Variants in ZFAND3 observed in about 807,000 individuals in gnomAD.
The protein encoded by ZFAND3 is zinc finger AN1-type containing 3.
Under a neutral mutation model 29.6 loss-of-function variants are expected in ZFAND3, and 10 were observed. That is an observed-to-expected ratio of 0.34 (90% CI 0.21 to 0.57). The LOEUF is 0.57. Among genes scored for constraint, ZFAND3 ranks in the 20% least tolerant of loss-of-function variants. ZFAND3 has a pLI of 0.86. For missense variants in ZFAND3, 230 were observed against 304.5 expected, an observed-to-expected ratio of 0.76 and a Z score of 1.82; for synonymous variants, 128 against 112.6, an observed-to-expected ratio of 1.14 and a Z score of -0.87.
In ZFAND3 at chr6:37,898,570, A is replaced by G. The variant is rs73419459; in HGVS notation, c.72-31389A>G. On this transcript the variant is annotated intron_variant, in intron 1 of 5. Coordinates refer to ENST00000287218, the MANE Select transcript of ZFAND3 (RefSeq NM_021943.3). The stretch of plus-strand genomic sequence containing the variant: ...ATGCTGTGGTTTTGATTGAAATTCT[A>G]TTGAATCTAAGCATAGTATATATAT... 1.7e-3 allele frequency among the ~76,000 whole-genome samples: 258 copies of G among 152,302 alleles called. 1 individual carries two copies. The highest frequency in any genetic ancestry group is 4.8e-3 in the African/African-American group (198 of 41,568).
chr6:37,874,772 C>T (rs1376906978), intron 1 of ZFAND3, among the ~76,000 whole-genome samples: 5 of 152,106 alleles, frequency 3.3e-5, no homozygotes, highest in Non-Finnish European at 5.9e-5. Flanking sequence ...ATGAAGGTCT[C>T]GTTTTGTTGC....
chr6:37,834,070 T>C (rs1763917522), intron 1 of ZFAND3, among the ~76,000 whole-genome samples: 1 of 152,160 alleles, frequency 6.6e-6, no homozygotes, highest in African/African-American at 2.4e-5. Context: ...TGGTGGTATA[T>C]TCAGTGGATT....
intron 3 of ZFAND3, among the ~76,000 whole-genome samples, chr6:38,073,035 T>C (rs1055952092): frequency 2.1e-4 from 32 of 152,296 alleles, no homozygotes; most frequent in African/African-American, 7.7e-4. Flanking sequence ...AGCAAGACAG[T>C]TGGACTAAGG....
At chr6:37,925,541 A>G (rs1247183880) in intron 1 of ZFAND3, among the ~76,000 whole-genome samples, 1 of 152,012 alleles carries the variant, frequency 6.6e-6, no homozygotes, top group Non-Finnish European at 1.5e-5. Flanking sequence ...TGTCTCTACT[A>G]AAAAATAGAA....
At chr6:38,085,457 C>G (rs1764738979) in intron 4 of ZFAND3, among the ~76,000 whole-genome samples, 1 of 152,196 alleles carries the variant, frequency 6.6e-6, no homozygotes, top group South Asian at 2.1e-4. Flanking sequence ...TTCTTTAAGT[C>G]AGCCGTCTCT....
chr6:37,860,178 G>GTTTT (rs34072361), intron 1 of ZFAND3, among the ~76,000 whole-genome samples: 1 of 122,818 alleles, frequency 8.1e-6, no homozygotes, highest in Non-Finnish European at 1.7e-5. Context: ...GCCAAAAAGA[G>GTTTT]TTTTTTTTTT....
At chr6:37,880,978 A>G (rs1764883668) in intron 1 of ZFAND3, among the ~76,000 whole-genome samples, 1 of 150,606 alleles carries the variant, frequency 6.6e-6, no homozygotes, top group Admixed American at 6.6e-5. Context: ...AACCTGCACA[A>G]TGTGCACATG....
chr6:38,046,380 G>T (rs926004660), intron 2 of ZFAND3, among the ~76,000 whole-genome samples: 2 of 152,172 alleles, frequency 1.3e-5, no homozygotes, highest in Admixed American at 1.3e-4. Context: ...GATAACTTCT[G>T]CCTCTTCCGC....
chr6:38,076,840 G>A (rs1764564714), intron 3 of ZFAND3, among the ~76,000 whole-genome samples: 1 of 152,058 alleles, frequency 6.6e-6, no homozygotes, highest in African/African-American at 2.4e-5. Context: ...CCAGGTTTAG[G>A]GTGAGGTTGG....
chr6:38,073,726 G>A (rs538554027), intron 3 of ZFAND3, among the ~76,000 whole-genome samples: 3 of 152,258 alleles, frequency 2.0e-5, no homozygotes, highest in Admixed American at 6.5e-5. Context: ...AGTGGTAAGC[G>A]TTTGTCAGCA....
At chr6:37,927,675 G>A (rs1421735234) in intron 1 of ZFAND3, among the ~76,000 whole-genome samples, 1 of 152,204 alleles carries the variant, frequency 6.6e-6, no homozygotes, top group Non-Finnish European at 1.5e-5. Context: ...TTTCCTATAT[G>A]CCTGCAGGGT....
intron 1 of ZFAND3, among the ~76,000 whole-genome samples, chr6:37,884,388 G>T (rs1365707655): frequency 1.4e-5 from 2 of 142,372 alleles, no homozygotes; most frequent in East Asian, 3.9e-4. Context: ...CAGCTACTTG[G>T]GAGGCTGAGG....
chr6:37,889,783 CATT>C (rs1429637624), intron 1 of ZFAND3, among the ~76,000 whole-genome samples: 1 of 152,018 alleles, frequency 6.6e-6, no homozygotes, highest in Non-Finnish European at 1.5e-5. Flanking sequence ...AACAATAGAA[CATT>C]ATTATTGTTA....
chr6:37,932,097 C>T (rs1057332308), intron 2 of ZFAND3, among the ~76,000 whole-genome samples: 37 of 152,114 alleles, frequency 2.4e-4, no homozygotes, highest in African/African-American at 7.5e-4. Flanking sequence ...GGCGAAACCC[C>T]GTCTCTACTA....
chr6:37,823,371 C>T (rs1471900893), intron 1 of ZFAND3, among the ~76,000 whole-genome samples: 1 of 152,154 alleles, frequency 6.6e-6, no homozygotes, highest in Non-Finnish European at 1.5e-5. Context: ...GGGCGCACAC[C>T]CAGCCCTTTG....
At chr6:37,858,918 AGAG>A (rs1292969174) in intron 1 of ZFAND3, among the ~76,000 whole-genome samples, 1 of 152,212 alleles carries the variant, frequency 6.6e-6, no homozygotes, top group East Asian at 1.9e-4. Context: ...TTATACTAGA[AGAG>A]CTAGAAGATT....
At chr6:37,843,724 A>G (rs1304071647) in intron 1 of ZFAND3, among the ~76,000 whole-genome samples, 4 of 152,040 alleles carry the variant, frequency 2.6e-5, no homozygotes, top group South Asian at 2.1e-4. Flanking sequence ...ATACTCAACA[A>G]TCATTGGTAA....
At chr6:37,999,033 C>T (rs1001858797) in intron 2 of ZFAND3, among the ~76,000 whole-genome samples, 1 of 152,072 alleles carries the variant, frequency 6.6e-6, no homozygotes, top group African/African-American at 2.4e-5. Context: ...AACCAGGGCT[C>T]TTGGAGAAGT....
intron 5 of ZFAND3, among the ~76,000 whole-genome samples, chr6:38,143,566 T>G (rs1766007062): frequency 6.6e-6 from 1 of 152,282 alleles, no homozygotes; most frequent in Non-Finnish European, 1.5e-5. Flanking sequence ...TGCTTCTCTT[T>G]TAAAGCTGTC....
Sources: gnomAD v4.1 joint callset for allele counts (sites outside exome capture counted in the v4.1 genomes callset) on GRCh38, gnomAD v4.1.1 for gene constraint, MANE v1.5 for transcripts, NCBI Gene and HGNC (gene_info 2026-07-23, HGNC 2026-07-21) for gene names.